Variants in TBC1D4 observed in about 807,000 individuals in gnomAD.
The protein encoded by TBC1D4 is TBC1 domain family member 4.
In TBC1D4, 121 loss-of-function variants were observed where a neutral mutation model predicts 142.5. That is an observed-to-expected ratio of 0.85 (90% CI 0.73 to 0.99). The LOEUF (loss-of-function observed/expected upper bound fraction) is 0.99. TBC1D4 is among the 50% of genes least tolerant of loss of function. The probability of loss-of-function intolerance (pLI) is 0.00; values close to 1 mark genes in which losing one functional copy is unlikely to be tolerated. For missense variants in TBC1D4, 1,475 were observed against 1,606.6 expected (o/e 0.92, Z 1.40); for synonymous variants, 630 against 628.2 (o/e 1.00, Z -0.04).
At chr13:75,394,963 A>G (rs1456358430) in intron 1 of TBC1D4, among the ~76,000 whole-genome samples, 1 of 152,250 alleles carries the variant, frequency 6.6e-6, no homozygotes, top group Non-Finnish European at 1.5e-5. Flanking sequence ...GGATCACTGC[A>G]TAGAGAATGC....
chr13:75,335,536 C>G (rs1387893820), intron 8 of TBC1D4, among the ~76,000 whole-genome samples: 1 of 152,160 alleles, frequency 6.6e-6, no homozygotes, highest in Non-Finnish European at 1.5e-5. Context: ...GCCCAAATCT[C>G]ATGTCAGATT....
At chr13:75,295,955 T>C (rs1005743030) in intron 17 of TBC1D4, among the ~76,000 whole-genome samples, 1 of 152,168 alleles carries the variant, frequency 6.6e-6, no homozygotes, top group Non-Finnish European at 1.5e-5. Flanking sequence ...AATAGCTCTA[T>C]GACAATACAT....
chr13:75,443,627 A>G (rs769530721), intron 1 of TBC1D4, among the ~76,000 whole-genome samples: 2 of 152,236 alleles, frequency 1.3e-5, no homozygotes, highest in Admixed American at 6.5e-5. Flanking sequence ...TTCTCAAAGA[A>G]AGAAAAAGGA....
intron 1 of TBC1D4, among the ~76,000 whole-genome samples, chr13:75,397,926 C>T (rs1884881070): frequency 1.3e-5 from 2 of 152,214 alleles, no homozygotes; most frequent in Non-Finnish European, 2.9e-5. Context: ...AGCCGAGGTA[C>T]TAAGGCTTGG....
intron 1 of TBC1D4, among the ~76,000 whole-genome samples, chr13:75,421,882 A>ATT (rs1435104938): frequency 2.2e-4 from 34 of 151,980 alleles, no homozygotes; most frequent in African/African-American, 7.5e-4. Flanking sequence ...CCCTTATTTC[A>ATT]TCAAATGTTC....
chr13:75,402,100 G>A (rs1228234614), intron 1 of TBC1D4, among the ~76,000 whole-genome samples: 2 of 152,238 alleles, frequency 1.3e-5, no homozygotes, highest in South Asian at 4.2e-4. Context: ...CACCAAGGGT[G>A]CCCTAAAGTC....
chr13:75,329,412 A>C (rs1593736793), intron 8 of TBC1D4, among the ~76,000 whole-genome samples: 8 of 119,098 alleles, frequency 6.7e-5, no homozygotes, highest in East Asian at 2.5e-4. Flanking sequence ...CCCTCCCCTC[A>C]CGTCTCCTCT....
rs980431872 is a variant in TBC1D4, at chr13:75,413,170, AT to A, written c.499-50564del. 7.5e-4 allele frequency among the ~76,000 whole-genome samples: 111 copies of A among 147,852 alleles called. 1 individual carries two copies. In the East Asian group the frequency reaches 0.015, roughly 20 times the overall value. ...AGAAACACTGAACAGCCAAAAACTA[AT>A]TTTTTTTTTTTGAGACGGAGTCTCC... On this transcript the variant is annotated intron_variant, in intron 1 of 20. Transcript: ENST00000377636.
chr13:75,408,773 G>A lies in TBC1D4; in HGVS notation c.499-46166C>T, dbSNP rs141809367. Among the ~76,000 whole-genome samples, 338 of 152,230 alleles carry A rather than the reference G, an allele frequency of 2.2e-3. 3 individuals carry two copies. Among genetic ancestry groups the A allele is most frequent in the African/African-American group, 8.0e-3 (331 of 41,534 alleles). On this transcript the variant is annotated intron_variant, in intron 1 of 20. Coordinates refer to ENST00000377636, the MANE Select transcript of TBC1D4 (RefSeq NM_014832.5). The stretch of plus-strand genomic sequence containing the variant: ...TTTTATTATAGCTGTTCTGGTGGGC[G>A]TGAAGTAGTATCTCATTATGATTTT...
chr13:75,303,808 C>CT (rs2137897649), intron 15 of TBC1D4, among the ~76,000 whole-genome samples: 1 of 152,312 alleles, frequency 6.6e-6, no homozygotes, highest in African/African-American at 2.4e-5. Context: ...CTGATGTATA[C>CT]TAGACGCTTG....
intron 12 of TBC1D4, among the ~76,000 whole-genome samples, chr13:75,318,113 CTA>C (rs1878463998): frequency 6.6e-6 from 1 of 152,212 alleles, no homozygotes; most frequent in Non-Finnish European, 1.5e-5. Context: ...AATTCATTGA[CTA>C]TTGTACAGAA....
At chr13:75,449,655 G>A (rs1436831382) in intron 1 of TBC1D4, among the ~76,000 whole-genome samples, 7 of 148,780 alleles carry the variant, frequency 4.7e-5, no homozygotes, top group Middle Eastern at 3.4e-3. Context: ...GTGTGATCTC[G>A]GCTCATTGCA....
chr13:75,410,378 T>C (rs1010098589), intron 1 of TBC1D4, among the ~76,000 whole-genome samples: 1 of 152,078 alleles, frequency 6.6e-6, no homozygotes, highest in Non-Finnish European at 1.5e-5. Context: ...TCTTCTTCTA[T>C]CTCCTTCTCC....
chr13:75,426,155 C>T (rs1360684106), intron 1 of TBC1D4, among the ~76,000 whole-genome samples: 2 of 151,930 alleles, frequency 1.3e-5, no homozygotes, highest in African/African-American at 4.8e-5. Context: ...CCAAAGAAGA[C>T]ATAAAAATGG....
chr13:75,459,928 G>A (rs778370423), intron 1 of TBC1D4, among the ~76,000 whole-genome samples: 5 of 152,114 alleles, frequency 3.3e-5, no homozygotes, highest in Non-Finnish European at 7.4e-5. Flanking sequence ...GGATCACGAG[G>A]TCAGGAGATC....
chr13:75,348,849 T>C (rs570917949), intron 5 of TBC1D4, among the ~76,000 whole-genome samples: 18 of 152,254 alleles, frequency 1.2e-4, no homozygotes, highest in Non-Finnish European at 5.9e-5. Flanking sequence ...GTTCCCACCA[T>C]GTACTTAGCA....
Position 75,324,281 on chromosome 13 carries a change from G to T in TBC1D4, c.2154C>A (p.Tyr718Ter), listed in dbSNP as rs200600107. 1 of 1,613,916 alleles carries T rather than the reference G, an allele frequency of 6.2e-7. No homozygotes were observed. The highest frequency in any genetic ancestry group is 1.1e-5 in the South Asian group (1 of 91,080). The change falls in exon 11 of 21, where the codon TAC becomes TAA. Residue 718 changes from tyrosine to a stop codon, truncating the protein, a stop_gained. Coordinates refer to ENST00000377636, the MANE Select transcript of TBC1D4 (RefSeq NM_014832.5). LOFTEE classifies it high-confidence loss of function. ...FTAPSFLKSFYQNSGRLSPQY... is the reference protein window; with the variant it reads ...FTAPSFLKSF ...GTGGGGACAGTCTACCTGAATTCTG[G>T]TAAAAGCTTTTCAGGAAAGAGGGGG... is the stretch of plus-strand genomic sequence containing the variant.
chr13:75,469,982 A>C (rs1020687844), intron 1 of TBC1D4, among the ~76,000 whole-genome samples: 2 of 152,198 alleles, frequency 1.3e-5, no homozygotes, highest in Non-Finnish European at 2.9e-5. Context: ...CAAATGTGGA[A>C]GCCGTCAACA....
intron 17 of TBC1D4, among the ~76,000 whole-genome samples, chr13:75,297,252 T>G (rs1185299347): frequency 1.6e-4 from 25 of 152,252 alleles, no homozygotes; most frequent in Admixed American, 1.5e-3. Context: ...ATTTTTGTAA[T>G]GTCAAATTGA....
Sources: allele counts gnomAD v4.1 joint callset (sites outside exome capture counted in the v4.1 genomes callset), GRCh38; gene constraint gnomAD v4.1.1; transcripts MANE v1.5; gene names NCBI Gene and HGNC (gene_info 2026-07-23, HGNC 2026-07-21).